Variants in CCDC12 observed in about 807,000 individuals in gnomAD.
CCDC12 encodes coiled-coil domain-containing protein 12.
A neutral mutation model predicts 25.7 loss-of-function variants in CCDC12; 28 were observed. That is an observed-to-expected ratio of 1.09 (90% CI 0.81 to 1.50). The LOEUF (loss-of-function observed/expected upper bound fraction) is 1.50. CCDC12 is among the 40% of genes most tolerant of loss of function. The pLI is 0.00. For missense variants in CCDC12, 198 were observed against 210.0 expected (o/e 0.94, Z 0.35); for synonymous variants, 75 against 87.7 (o/e 0.86, Z 0.81).
rs1386810663 is a variant in CCDC12 at position 46,922,122 on chromosome 3, G to A, written c.436C>T (p.Gln146Ter). The A allele has an allele frequency of 2.5e-6, 4 of 1,614,266 alleles. No homozygotes were observed. The Admixed American group carries it at 6.7e-5, about 27-fold the overall frequency. ...AELIRERLKG[Q>*]EDSLASAVDA... ...ACTGCAGAGGCTAGGCTGTCTTCCT[G>A]GCCTTTCAGCCTTTCACCTGGGATG... is the stretch of plus-strand genomic sequence containing the variant. Residue 146 changes from glutamine to a stop codon, truncating the protein, a stop_gained, in exon 7 of 7, where the codon CAG becomes TAG. Transcript: ENST00000683445. LOFTEE classifies it high-confidence loss of function.
At chr3:46,981,353 A>T (rs1393509494), upstream of CCDC12, among the ~76,000 whole-genome samples, 1 of 152,122 alleles carries the variant, frequency 6.6e-6, no homozygotes, top group African/African-American at 2.4e-5. Context: ...GAGGCAGGAG[A>T]ATCGCTTGAA....
chr3:46,971,140 C>T (rs1181092056), intron 1 of CCDC12, among the ~76,000 whole-genome samples: 1 of 152,254 alleles, frequency 6.6e-6, no homozygotes, highest in Non-Finnish European at 1.5e-5. Flanking sequence ...GAACACTCTC[C>T]TTTCCAGCTA....
At chr3:46,968,818 T>G (rs1159270010) in intron 1 of CCDC12, among the ~76,000 whole-genome samples, 1 of 152,012 alleles carries the variant, frequency 6.6e-6, no homozygotes, top group Non-Finnish European at 1.5e-5. Flanking sequence ...CAATCTAGGG[T>G]CAGCAACAAC....
At chr3:46,945,181 G>A (rs2033856240) in intron 1 of CCDC12, among the ~76,000 whole-genome samples, 2 of 152,182 alleles carry the variant, frequency 1.3e-5, no homozygotes, top group Admixed American at 1.3e-4. Context: ...TCTCAGCACG[G>A]GGCATCTCCT....
chr3:46,941,101 A>G, intron 1 of CCDC12, 36 bp from the exon 2 acceptor site: 1 of 1,605,560 alleles, frequency 6.2e-7, no homozygotes, highest in Non-Finnish European at 8.5e-7. Flanking sequence ...AGCTCAGTTG[A>G]AAGCTCCTAC....
At chr3:46,933,586 C>A (rs757450999) in intron 2 of CCDC12, among the ~76,000 whole-genome samples, 1 of 152,132 alleles carries the variant, frequency 6.6e-6, no homozygotes, top group Non-Finnish European at 1.5e-5. Context: ...TCATCCCAGA[C>A]GCTGCAGAAC....
At chr3:46,959,299 G>A (rs2034394066) in intron 1 of CCDC12, among the ~76,000 whole-genome samples, 1 of 152,204 alleles carries the variant, frequency 6.6e-6, no homozygotes, top group South Asian at 2.1e-4. Flanking sequence ...TAACAACTGT[G>A]TACTGTGGTA....
At chr3:46,976,779 G>A, upstream of CCDC12, 2 of 1,563,972 alleles carry the variant, frequency 1.3e-6, no homozygotes, top group Non-Finnish European at 1.7e-6. Flanking sequence ...CATCGCGCAG[G>A]CCTAAGGAGA....
chr3:46,945,097 C>T (rs561428715), intron 1 of CCDC12, among the ~76,000 whole-genome samples: 21 of 152,334 alleles, frequency 1.4e-4, no homozygotes, highest in African/African-American at 4.6e-4. Flanking sequence ...AGGGTCTGAC[C>T]GTAGGCCCAG....
At chr3:46,959,721 G>C (rs1156311022) in intron 1 of CCDC12, among the ~76,000 whole-genome samples, 1 of 152,126 alleles carries the variant, frequency 6.6e-6, no homozygotes, top group Non-Finnish European at 1.5e-5. Context: ...AGGTGGCAAG[G>C]AAGAAGGGCC....
intron 1 of CCDC12, among the ~76,000 whole-genome samples, chr3:46,969,196 C>T (rs1473180552): frequency 6.6e-6 from 1 of 152,156 alleles, no homozygotes; most frequent in Non-Finnish European, 1.5e-5. Flanking sequence ...CCTCTGGTTC[C>T]CTCTTTTACC....
At chr3:46,951,798 A>AAAAAAAAAATATCACATATATATATAT in intron 1 of CCDC12, among the ~76,000 whole-genome samples, 1 of 8,476 alleles carries the variant, frequency 1.2e-4, no homozygotes, top group African/African-American at 2.5e-4. Context: ...AAAAAAAAAA[A>AAAAAAAAAATATCACATATATATATAT]ATATATATAT....
chr3:46,927,139 A>G (rs2032995474), intron 2 of CCDC12, among the ~76,000 whole-genome samples: 1 of 152,102 alleles, frequency 6.6e-6, no homozygotes, highest in Admixed American at 6.5e-5. Flanking sequence ...ACTGCGGGCG[A>G]TGGGGCAGTA....
chr3:46,954,392 A>G (rs1251959330), intron 1 of CCDC12, among the ~76,000 whole-genome samples: 1 of 152,204 alleles, frequency 6.6e-6, no homozygotes, highest in Admixed American at 6.5e-5. Flanking sequence ...TGAAAACCTC[A>G]GTGGGTGGCC....
chr3:46,958,159 C>T lies in CCDC12; in HGVS notation c.97-17094G>A, dbSNP rs535113977. On this transcript the variant is annotated intron_variant, in intron 1 of 6. Transcript: ENST00000683445. ...TTTAGGATTAAATAAGTTTTATTGG[C>T]GGTCTGAAGAAACTCCCCAGGCCTC... 3.9e-5 allele frequency among the ~76,000 whole-genome samples: 6 copies of T among 152,090 alleles called. 1 individual carries two copies. In the South Asian group the frequency reaches 1.0e-3, roughly 26 times the overall value.
chr3:46,922,161 A>AG (rs749257563), intron 6 of CCDC12, 22 bp from the exon 7 acceptor site: 1 of 1,614,194 alleles, frequency 6.2e-7, no homozygotes, highest in Non-Finnish European at 8.5e-7. Flanking sequence ...GGCAGACAGA[A>AG]GGGGTGGGGA....
At chr3:46,972,500 C>T (rs1055257891) in intron 1 of CCDC12, among the ~76,000 whole-genome samples, 9 of 152,128 alleles carry the variant, frequency 5.9e-5, no homozygotes, top group Admixed American at 1.3e-4. Flanking sequence ...GATACTTCTT[C>T]AAAGAAAATA....
intron 2 of CCDC12, among the ~76,000 whole-genome samples, chr3:46,934,463 G>T (rs1236769440): frequency 6.6e-6 from 1 of 152,190 alleles, no homozygotes; most frequent in Non-Finnish European, 1.5e-5. Context: ...TCACCTGCCT[G>T]GACTGTAGTT....
At chr3:46,928,412 G>C (rs1470055376) in intron 2 of CCDC12, among the ~76,000 whole-genome samples, 2 of 152,344 alleles carry the variant, frequency 1.3e-5, no homozygotes, top group African/African-American at 4.8e-5. Flanking sequence ...CAGCTGAAAA[G>C]CTGAGAGACT....
Sources: gnomAD v4.1 joint callset for allele counts (sites outside exome capture counted in the v4.1 genomes callset) on GRCh38, gnomAD v4.1.1 for gene constraint, MANE v1.5 for transcripts, NCBI Gene and HGNC (gene_info 2026-07-23, HGNC 2026-07-21) for gene names.